PCDHA9: variants seen among roughly 807,000 people sequenced by gnomAD.
The protein encoded by PCDHA9 is protocadherin alpha-9.
In PCDHA9, 62 loss-of-function variants were observed where a neutral mutation model predicts 62.0. The observed-to-expected ratio is 1.00, with a 90% CI of 0.81 to 1.23. The LOEUF is 1.23. Among genes scored for constraint, PCDHA9 ranks in the 50% most tolerant of loss-of-function variants. PCDHA9 has a pLI of 0.00. For synonymous variants in PCDHA9, 557 were observed against 567.6 expected (o/e 0.98, Z 0.27); for missense variants, 1,205 against 1,249.8 (o/e 0.96, Z 0.54).
intron 1 of PCDHA9, among the ~76,000 whole-genome samples, chr5:140,855,657 G>A (rs2043553278): frequency 6.7e-6 from 1 of 149,788 alleles, no homozygotes; most frequent in African/African-American, 2.5e-5. Context: ...GGTTAGGGAA[G>A]AAATCACTAC....
chr5:141,000,421 A>T (rs4912737), intron 3 of PCDHA9, among the ~76,000 whole-genome samples: 2,503 of 28,048 alleles, frequency 0.089, 337 homozygotes, highest in East Asian at 0.098. Flanking sequence ...ATATATATAT[A>T]TTTTTTTTTT....
chr5:140,928,297 G>A, intron 1 of PCDHA9: 1 of 1,614,112 alleles, frequency 6.2e-7, no homozygotes, highest in Non-Finnish European at 8.5e-7. Flanking sequence ...CCGAGTGTTT[G>A]CCCAGGACCC....
At chr5:140,854,852 A>G (rs1161281269) in intron 1 of PCDHA9, among the ~76,000 whole-genome samples, 1 of 149,940 alleles carries the variant, frequency 6.7e-6, no homozygotes, top group African/African-American at 2.4e-5. Flanking sequence ...TGATAAAATT[A>G]CTAGATATAT....
intron 3 of PCDHA9, among the ~76,000 whole-genome samples, chr5:140,990,233 G>A (rs782139012): frequency 5.3e-5 from 8 of 152,128 alleles, no homozygotes; most frequent in Non-Finnish European, 8.8e-5. Flanking sequence ...TGTAACTAGC[G>A]TTGTATTCCT....
At position 140,848,581 on chromosome 5, in the gene PCDHA9, G is replaced by C; in HGVS notation, c.86G>C (p.Gly29Ala). ...CTCGCAATGTGGGTGGTGGGGAGCG[G>C]CCAGCTCCACTACTCCGTCCCGGAG... Reference protein sequence around the residue: ...LILAMWVVGSGQLHYSVPEEA... With the variant: ...LILAMWVVGSAQLHYSVPEEA... The change falls in exon 1 of 4, where the codon GGC becomes GCC. Residue 29 changes from glycine (G) to alanine (A), a missense_variant. Transcript: ENST00000532602. The C allele has an allele frequency of 6.3e-7, 1 of 1,595,130 alleles. No homozygotes were observed. Among genetic ancestry groups the C allele is most frequent in the Non-Finnish European group, 8.6e-7 (1 of 1,165,184 alleles).
chr5:140,893,929 T>C (rs2064240374), intron 1 of PCDHA9, among the ~76,000 whole-genome samples: 1 of 152,214 alleles, frequency 6.6e-6, no homozygotes, highest in South Asian at 2.1e-4. Flanking sequence ...TCAGAATCTC[T>C]ACCTGTTAAT....
At chr5:141,007,000 G>A (rs2098298646) in intron 3 of PCDHA9, among the ~76,000 whole-genome samples, 1 of 152,128 alleles carries the variant, frequency 6.6e-6, no homozygotes, top group South Asian at 2.1e-4. Flanking sequence ...ATATAAGTCT[G>A]CATCTCATCA....
At chr5:140,852,796 T>C in intron 1 of PCDHA9, 4 of 976,920 alleles carry the variant, frequency 4.1e-6, no homozygotes, top group Non-Finnish European at 4.9e-6. Context: ...ATGCTACAGA[T>C]GTCATTTGTC....
At chr5:140,858,305 C>G (rs782690239) in intron 1 of PCDHA9, 1 of 1,597,172 alleles carries the variant, frequency 6.3e-7, no homozygotes, top group South Asian at 1.1e-5. Flanking sequence ...GCAGCAGAGG[C>G]GGCAGAGGGT....
chr5:140,871,022 A>ACT, intron 1 of PCDHA9: 1 of 1,613,114 alleles, frequency 6.2e-7, no homozygotes, highest in Non-Finnish European at 8.5e-7. Flanking sequence ...GACGAGGCAG[A>ACT]CTCGCCGCGC....
intron 1 of PCDHA9, chr5:140,869,588 T>C (rs1404476349): frequency 3.7e-6 from 6 of 1,614,114 alleles, no homozygotes; most frequent in East Asian, 2.2e-5. Context: ...GATGCTGACA[T>C]TGAAGAGAAT....
chr5:141,008,530 A>G (rs1176119695), intron 3 of PCDHA9, among the ~76,000 whole-genome samples: 2 of 152,128 alleles, frequency 1.3e-5, no homozygotes, highest in African/African-American at 4.8e-5. Context: ...ACTCTTGGGA[A>G]TGTCTTTTAT....
Position 140,850,115 on chromosome 5 carries a change from G to C in PCDHA9, c.1620G>C (p.Ala540=), listed in dbSNP as rs2150468444. ...LLQFQVSARD[A]GVPPLGSNVT... is the part of the protein sequence containing the mutation. ...AGTTCCAGGTGAGCGCGCGCGACGCGGGCGTGCCGCCTCTGGGCAGCAACG... is the reference window on the plus strand; with the variant it reads ...AGTTCCAGGTGAGCGCGCGCGACGCCGGCGTGCCGCCTCTGGGCAGCAACG... Residue 540 remains alanine (A), a synonymous_variant, in exon 1 of 4, where the codon GCG becomes GCC. Transcript: ENST00000532602. The C allele has an allele frequency of 8.1e-6, 13 of 1,596,094 alleles. 2 individuals are homozygous for C. Among genetic ancestry groups the C allele is most frequent in the Non-Finnish European group, 1.1e-5 (13 of 1,167,854 alleles).
chr5:140,942,588 A>G lies in PCDHA9; in HGVS notation c.2395-36361A>G, dbSNP rs1416575390. Among the ~76,000 whole-genome samples the G allele has an allele frequency of 2.0e-5, 3 of 149,704 alleles. No homozygotes were observed. The East Asian group carries it at 5.9e-4, about 29-fold the overall frequency. ...AAAATCTTCCCATATAGGATGTCAC[A>G]TATAATTATAGTGTTTATATTTGCC... On this transcript the variant is annotated intron_variant, in intron 1 of 3. Transcript: ENST00000532602.
chr5:140,908,270 G>A (rs1554193271), intron 1 of PCDHA9, among the ~76,000 whole-genome samples: 1 of 152,154 alleles, frequency 6.6e-6, no homozygotes, highest in African/African-American at 2.4e-5. Context: ...AACTCCCCAT[G>A]AGGCCATTGT....
chr5:140,919,660 T>C (rs561238136), intron 1 of PCDHA9, among the ~76,000 whole-genome samples: 1 of 152,360 alleles, frequency 6.6e-6, no homozygotes, highest in African/African-American at 2.4e-5. Flanking sequence ...TTACCATATA[T>C]ATTTTAGCTT....
Position 140,855,947 on chromosome 5 carries a change from T to A in PCDHA9, c.2394+5058T>A. On this transcript the variant is annotated intron_variant, in intron 1 of 3. Transcript: ENST00000532602. Reference sequence around the variant, plus strand: ...TAGCGTCATTCTGAGATCTCAGCCATTTCGATAAAAAATAGATATAAGAAA... The same window carrying A: ...TAGCGTCATTCTGAGATCTCAGCCAATTCGATAAAAAATAGATATAAGAAA... 2.9e-6 allele frequency: 4 copies of A among 1,358,712 alleles called. No homozygotes were observed. In the Admixed American group the frequency reaches 7.1e-5, roughly 24 times the overall value. The allele number at this position is 1,358,712 out of a possible 1,614,324, so 84.2% of individuals were successfully genotyped here. A position where few individuals can be genotyped will look rare whatever the true frequency, so the allele number is the denominator to read the frequency against.
intron 1 of PCDHA9, among the ~76,000 whole-genome samples, chr5:140,948,865 C>A (rs1358865868): frequency 1.3e-5 from 2 of 151,324 alleles, no homozygotes; most frequent in Non-Finnish European, 3.0e-5. Context: ...TATATTACTT[C>A]GGGTTTACTT....
rs530240100 is a variant in PCDHA9 at position 140,875,788 on chromosome 5, C to T, written c.2394+24899C>T. 5 of 1,614,194 alleles carry T rather than the reference C, an allele frequency of 3.1e-6. No individual in the cohort carries two copies. In the Admixed American group the frequency reaches 5.0e-5, roughly 16 times the overall value. The stretch of plus-strand genomic sequence containing the variant: ...GCGGAGCGCGGAGTGCAGTATCCAC[C>T]TGGAGGTGATCGTGGACAGGCCGCT... On this transcript the variant is annotated intron_variant, in intron 1 of 3. Coordinates refer to ENST00000532602, the MANE Select transcript of PCDHA9 (RefSeq NM_031857.2).
Sources: gnomAD v4.1 joint callset for allele counts (sites outside exome capture counted in the v4.1 genomes callset) on GRCh38, gnomAD v4.1.1 for gene constraint, MANE v1.5 for transcripts, NCBI Gene and HGNC (gene_info 2026-07-23, HGNC 2026-07-21) for gene names.